Variants in KIF1A observed in about 807,000 individuals in gnomAD.
KIF1A encodes kinesin-like protein KIF1A.
Under a neutral mutation model 227.3 loss-of-function variants are expected in KIF1A, and 46 were observed. That is an observed-to-expected ratio of 0.20 (90% confidence interval 0.16 to 0.26). KIF1A has a LOEUF of 0.26. Among genes scored for constraint, KIF1A ranks in the 10% least tolerant of loss-of-function variants. The pLI, the probability that KIF1A is intolerant of heterozygous loss-of-function variation, is 1.00. For synonymous variants in KIF1A, 1,022 were observed against 1,012.8 expected (o/e 1.01, Z -0.17); for missense variants, 1,683 against 2,485.9 (o/e 0.68, Z 6.87).
chr2:240,820,167 G>C lies in KIF1A; in HGVS notation c.-106C>G, dbSNP rs1445860057. The C allele has an allele frequency of 1.3e-5, 2 of 149,294 alleles. No homozygotes were observed. The highest frequency in any genetic ancestry group is 4.9e-5 in the African/African-American group (2 of 41,036). 9.2% of individuals were successfully genotyped at this position (149,294 alleles called of 1,614,324 possible). A position where few individuals can be genotyped will look rare whatever the true frequency, so the allele number is the denominator to read the frequency against. ...CGGCCCCGCATGGGCACTGGCATGG[G>C]CGCGGGCTCTCGAGCCCGGAGCTGC... On this transcript the variant is annotated 5_prime_UTR_variant, in exon 1 of 49. Coordinates refer to ENST00000498729, the MANE Select transcript of KIF1A (RefSeq NM_001244008.2). This position sits in a 1 kb window ranked among gnomAD's most constrained non-coding sequence, Gnocchi z 6.2.
chr2:240,801,369 A>G (rs186015008), intron 1 of KIF1A, among the ~76,000 whole-genome samples: 96 of 152,340 alleles, frequency 6.3e-4, no homozygotes, highest in African/African-American at 2.2e-3. Context: ...AAAATTAGGA[A>G]CTCAAGAGAT....
chr2:240,744,705 C>T (rs895387524), intron 32 of KIF1A, among the ~76,000 whole-genome samples: 8 of 152,190 alleles, frequency 5.3e-5, no homozygotes, highest in Admixed American at 3.3e-4. Flanking sequence ...ACCCTCATCC[C>T]GGGCTTCCAG....
At chr2:240,774,391 A>ACCCCCCCCCCCCC (rs570956380) in intron 11 of KIF1A, 130 bp from the exon 12 acceptor site, 2 of 253,672 alleles carry the variant, frequency 7.9e-6, no homozygotes, top group Non-Finnish European at 1.4e-5. Context: ...TCACAGGCTT[A>ACCCCCCCCCCCCC]CCCCCCCCCC....
intron 1 of KIF1A, among the ~76,000 whole-genome samples, chr2:240,817,745 C>CCTCAGT (rs2058431918): frequency 6.6e-6 from 1 of 152,022 alleles, no homozygotes. Context: ...GAAGAGATGC[C>CCTCAGT]CTCAGTCTCC....
At position 240,740,998 on chromosome 2, in the gene KIF1A, G is replaced by T. The variant is rs930004372; in HGVS notation, c.3749+271C>A. Among the ~76,000 whole-genome samples the T allele has an allele frequency of 1.3e-5, 2 of 152,166 alleles. No individual in the cohort carries two copies. The highest frequency in any genetic ancestry group is 3.9e-4 in the East Asian group (2 of 5,160). On this transcript the variant is annotated intron_variant, in intron 35 of 48. Coordinates refer to ENST00000498729, the MANE Select transcript of KIF1A (RefSeq NM_001244008.2). The surrounding 1 kb of genome is among the most constrained non-coding windows in gnomAD (Gnocchi z 6.1). Reference sequence around the variant, plus strand: ...CTGCCCCTGAGCCATACCCTGGTTTGCTGTCCTAGTGCTCAGGACCATGGG... The same window carrying T: ...CTGCCCCTGAGCCATACCCTGGTTTTCTGTCCTAGTGCTCAGGACCATGGG...
At chr2:240,780,725 T>C (rs1260251480) in intron 10 of KIF1A, among the ~76,000 whole-genome samples, 1 of 150,964 alleles carries the variant, frequency 6.6e-6, no homozygotes, top group Non-Finnish European at 1.5e-5. Context: ...TTCCGGCTTC[T>C]GACAGAGTTG....
In KIF1A at chr2:240,725,369, C is replaced by T; in HGVS notation, c.4158G>A (p.Lys1386=). The T allele has an allele frequency of 6.2e-7, 1 of 1,612,378 alleles. No individual in the cohort carries two copies. ...ENCTQPAVVT[K]DFCMVFYSRD... ...GGGAATAGAAGACCATGCAGAAGTC[C>T]TTGGTGACAACAGCCGGCTGGGTGC... The change falls in exon 40 of 49, where the codon AAG becomes AAA. Residue 1386 remains lysine (K), a synonymous_variant. Transcript: ENST00000498729. This position sits in a 1 kb window ranked among gnomAD's most constrained non-coding sequence, Gnocchi z 5.8.
intron 45 of KIF1A, 73 bp from the exon 46 acceptor site, chr2:240,719,999 C>T: frequency 1.3e-6 from 2 of 1,485,880 alleles, no homozygotes; most frequent in Non-Finnish European, 9.0e-7. Context: ...CAGGCTTCAC[C>T]CTCCTCAGAG....
chr2:240,726,732 G>A lies in KIF1A; in HGVS notation c.4122+94C>T, dbSNP rs374138562. 84 of 643,774 alleles carry A rather than the reference G, an allele frequency of 1.3e-4. No individual in the cohort carries two copies. The highest frequency in any genetic ancestry group is 2.6e-4 in the South Asian group (11 of 41,912). 39.9% of individuals were successfully genotyped at this position (643,774 alleles called of 1,614,324 possible). ...CAGGGACTTGAGAACTAGAGAAGTCGTCTGGGTCATATGGGGTTGTCCAGA... is the reference window on the plus strand; with the variant it reads ...CAGGGACTTGAGAACTAGAGAAGTCATCTGGGTCATATGGGGTTGTCCAGA... On this transcript the variant is annotated intron_variant, in intron 39 of 48. Transcript: ENST00000498729. This position sits in a 1 kb window ranked among gnomAD's most constrained non-coding sequence, Gnocchi z 5.2.
At position 240,758,289 on chromosome 2, in the gene KIF1A, CCACTCCTA is replaced by C; in HGVS notation, c.2582+63_2582+70del. ...GCCGCTCCTTGTATCAGGCCAGGGC[CCACTCCTA>C]CCCCCACTGCCATCTCTCTCTCTCA... On this transcript the variant is annotated intron_variant, in intron 26 of 48. Coordinates refer to ENST00000498729, the MANE Select transcript of KIF1A (RefSeq NM_001244008.2). The surrounding 1 kb of genome is among the most constrained non-coding windows in gnomAD (Gnocchi z 5.2). 3 of 1,527,984 alleles carry C rather than the reference CCACTCCTA, an allele frequency of 2.0e-6. No homozygotes were observed. The highest frequency in any genetic ancestry group is 3.7e-5 in the Admixed American group (2 of 53,794). 94.7% of individuals were successfully genotyped at this position (1,527,984 alleles called of 1,614,324 possible).
In KIF1A at chr2:240,786,638, C is replaced by A. The variant is rs1007432669; in HGVS notation, c.430-125G>T. The stretch of plus-strand genomic sequence containing the variant: ...CCCCTGAGTGAGGAGATGGGGGCCG[C>A]CATCAGGACCCCTGAGTGAGGGGGT... On this transcript the variant is annotated intron_variant, in intron 5 of 48. Transcript: ENST00000498729. 8 of 760,696 alleles carry A rather than the reference C, an allele frequency of 1.1e-5. No homozygotes were observed. The South Asian group carries it at 1.2e-4, about 11-fold the overall frequency. 47.1% of individuals were successfully genotyped at this position (760,696 alleles called of 1,614,324 possible).
At chr2:240,759,141 A>G (rs1559504982) in intron 25 of KIF1A, among the ~76,000 whole-genome samples, 2 of 98,344 alleles carry the variant, frequency 2.0e-5, no homozygotes, top group African/African-American at 8.7e-5. Context: ...ATGAATGCTT[A>G]TGAGTGTGTG....
At position 240,757,547 on chromosome 2, in the gene KIF1A, A is replaced by T. The variant is rs2050009878; in HGVS notation, c.2630T>A (p.Met877Lys). 1 of 1,549,482 alleles carries T rather than the reference A, an allele frequency of 6.5e-7. No homozygotes were observed. Among genetic ancestry groups the T allele is most frequent in the African/African-American group, 1.4e-5 (1 of 72,942 alleles). ...GGTGAGAGCAGCCATGCGCTCGCTC[A>T]TGCATGTGTTGAGAAGAGGGTAGCT... ...CNSYPLLNTC[M>K]SERMAALTPS... Residue 877 changes from methionine (M) to lysine (K), a missense_variant, in exon 27 of 49, where the codon ATG (methionine) becomes AAG (lysine). Met to Lys is a moderately conservative substitution (Grantham distance 95, BLOSUM62 -1). This residue lies in a region of KIF1A where 759 missense variants were observed against 1,020.2 expected (regional missense o/e 0.74). Transcript: ENST00000498729. The surrounding 1 kb of genome is among the most constrained non-coding windows in gnomAD (Gnocchi z 6.2).
intron 14 of KIF1A, chr2:240,771,389 C>T (rs761834244): frequency 2.1e-6 from 1 of 487,498 alleles, no homozygotes; most frequent in Non-Finnish European, 3.7e-6. Context: ...CAGTGGCGCG[C>T]ACTTGCCCGC....
At chr2:240,801,870 T>C (rs2057002772) in intron 1 of KIF1A, among the ~76,000 whole-genome samples, 1 of 152,242 alleles carries the variant, frequency 6.6e-6, no homozygotes, top group South Asian at 2.1e-4. Flanking sequence ...CAAGCCACCC[T>C]GTTTGTGATA....
chr2:240,783,345 T>TGCTTCCGG (rs2054318107), intron 8 of KIF1A, among the ~76,000 whole-genome samples: 1 of 152,136 alleles, frequency 6.6e-6, no homozygotes, highest in Non-Finnish European at 1.5e-5. Context: ...TATCATCCCA[T>TGCTTCCGG]GTCCCCCTGA....
chr2:240,782,458 G>A (rs1461217518), intron 10 of KIF1A, 132 bp downstream of exon 10: 23 of 1,066,650 alleles, frequency 2.2e-5, no homozygotes, highest in Non-Finnish European at 2.9e-5. Context: ...TCCTTCCCGG[G>A]ATCCACCCCC....
rs2055867234 is a variant in KIF1A, at chr2:240,792,683, G to A, written c.107-3371C>T. Among the ~76,000 whole-genome samples the A allele has an allele frequency of 6.6e-6, 1 of 152,172 alleles. No individual in the cohort carries two copies. Among genetic ancestry groups the A allele is most frequent in the African/African-American group, 2.4e-5 (1 of 41,444 alleles). ...TTCCCAACGGAGCCTGCTGTGGGCC[G>A]AGCGTGTCCCCAGATTCATATGCAA... On this transcript the variant is annotated intron_variant, in intron 2 of 48. Coordinates refer to ENST00000498729, the MANE Select transcript of KIF1A (RefSeq NM_001244008.2). The surrounding 1 kb of genome is among the most constrained non-coding windows in gnomAD (Gnocchi z 4.5).
chr2:240,746,920 G>T (rs2048668131), intron 29 of KIF1A, among the ~76,000 whole-genome samples: 1 of 152,200 alleles, frequency 6.6e-6, no homozygotes, highest in South Asian at 2.1e-4. Context: ...CCAGAGAAGG[G>T]AGACAGGGTG....
Sources: gnomAD v4.1 joint callset for allele counts (sites outside exome capture counted in the v4.1 genomes callset) on GRCh38, gnomAD v4.1.1 for gene constraint, gnomAD v4.1.1 regional missense constraint, Gnocchi (gnomAD v3.1) non-coding constraint, MANE v1.5 for transcripts, NCBI Gene and HGNC (gene_info 2026-07-23, HGNC 2026-07-21) for gene names.